The following FGF14 variants were observed in gnomAD, a reference collection of about 807,000 sequenced individuals.
FGF14 encodes fibroblast growth factor homologous factor 4.
FGF14 carries 5 observed loss-of-function variants against 25.5 expected under a neutral mutation model. The ratio of observed to expected loss-of-function variants is 0.20; its 90% CI spans 0.10 to 0.41. The LOEUF is 0.41. Among genes scored for constraint, FGF14 ranks in the 10% least tolerant of loss-of-function variants. FGF14 has a pLI of 1.00. For synonymous variants in FGF14, 138 were observed against 118.3 expected (o/e 1.17, Z -1.08); for missense variants, 222 against 320.1 (o/e 0.69, Z 2.34).
chr13:102,401,666 C>T, exon 1 of FGF14: 1 of 1,613,840 alleles, frequency 6.2e-7, no homozygotes, highest in Non-Finnish European at 8.5e-7. Context: ...AAGAGGGGCA[C>T]CGGTTTTACC....
At chr13:101,910,598 G>A (rs939210152) in intron 1 of FGF14, among the ~76,000 whole-genome samples, 1 of 152,060 alleles carries the variant, frequency 6.6e-6, no homozygotes, top group Non-Finnish European at 1.5e-5. Context: ...GAATGACAAA[G>A]TAGTACCTAT....
At chr13:101,798,142 G>A (rs920503084) in intron 3 of FGF14, among the ~76,000 whole-genome samples, 49 of 152,014 alleles carry the variant, frequency 3.2e-4, no homozygotes, top group African/African-American at 1.1e-3. Context: ...AAAGAAAAAA[G>A]CTGACTTGAA....
Position 101,734,815 on chromosome 13 carries a change from C to T in FGF14, c.409-8005G>A, listed in dbSNP as rs182816681. 7.1e-4 allele frequency among the ~76,000 whole-genome samples: 108 copies of T among 152,180 alleles called. 1 individual carries two copies. The highest frequency in any genetic ancestry group is 1.3e-3 in the Non-Finnish European group (89 of 68,008). On this transcript the variant is annotated intron_variant, in intron 3 of 4. Transcript: ENST00000376143. ...GCACAGAAGGTTGAAGTAACTTGCC[C>T]GAGTACGTTACTTTCATCAAGATAA...
chr13:102,100,444 G>C (rs1246099113), intron 1 of FGF14, among the ~76,000 whole-genome samples: 7 of 152,158 alleles, frequency 4.6e-5, no homozygotes, highest in Non-Finnish European at 7.3e-5. Flanking sequence ...CAGATTCCTG[G>C]CTTTGCAGAA....
Position 101,759,034 on chromosome 13 carries a change from TCTGA to T in FGF14, c.409-32228_409-32225del, listed in dbSNP as rs551745459. 3.4e-4 allele frequency among the ~76,000 whole-genome samples: 52 copies of T among 152,340 alleles called. No individual in the cohort carries two copies. In the South Asian group the frequency reaches 8.1e-3, roughly 24 times the overall value. On this transcript the variant is annotated intron_variant, in intron 3 of 4. Transcript: ENST00000376143. ...ATCTTGGTTTAGAGCATGCCAGAGC[TCTGA>T]CTATGACTGCTTTCTGAGTCAAGTG...
At chr13:101,754,728 C>CA (rs940294153) in intron 3 of FGF14, among the ~76,000 whole-genome samples, 4 of 151,696 alleles carry the variant, frequency 2.6e-5, no homozygotes, top group Non-Finnish European at 5.9e-5. Flanking sequence ...GACTCCATAA[C>CA]AAAAAGAAAA....
At chr13:102,015,696 T>C (rs1406897315) in intron 1 of FGF14, among the ~76,000 whole-genome samples, 2 of 152,008 alleles carry the variant, frequency 1.3e-5, no homozygotes, top group African/African-American at 2.4e-5. Flanking sequence ...GAGGATAGGG[T>C]GGTAGGAACA....
intron 3 of FGF14, among the ~76,000 whole-genome samples, chr13:101,797,115 C>A (rs1217727412): frequency 6.6e-6 from 1 of 152,110 alleles, no homozygotes. Flanking sequence ...ACCCACCTTA[C>A]AACATGAGAC....
intron 1 of FGF14, among the ~76,000 whole-genome samples, chr13:102,326,693 G>GGGAAGGGAAGGAAGGTAGGAA (rs2056445953): frequency 3.4e-5 from 1 of 29,344 alleles, no homozygotes; most frequent in African/African-American, 1.4e-4. Flanking sequence ...GGGAAGGGAA[G>GGGAAGGGAAGGAAGGTAGGAA]GGAAGGAAGG....
At chr13:102,265,016 C>A (rs183476474) in intron 1 of FGF14, among the ~76,000 whole-genome samples, 40 of 152,148 alleles carry the variant, frequency 2.6e-4, no homozygotes, top group African/African-American at 7.9e-4. Context: ...GTCCTTCACC[C>A]CAAAGTAATT....
At chr13:102,027,504 C>T (rs948492287) in intron 1 of FGF14, among the ~76,000 whole-genome samples, 1 of 151,910 alleles carries the variant, frequency 6.6e-6, no homozygotes, top group Admixed American at 6.6e-5. Flanking sequence ...TTTTACACAC[C>T]ATGTTGCAAA....
chr13:101,900,336 G>A (rs147841497), intron 1 of FGF14, among the ~76,000 whole-genome samples: 1 of 151,812 alleles, frequency 6.6e-6, no homozygotes, highest in East Asian at 1.9e-4. Flanking sequence ...AAATTAAGAA[G>A]AAATTTTAAT....
intron 1 of FGF14, among the ~76,000 whole-genome samples, chr13:102,204,696 A>C (rs547837614): frequency 6.6e-5 from 10 of 152,042 alleles, no homozygotes; most frequent in Admixed American, 6.6e-4. Flanking sequence ...ACAGGCATGC[A>C]CCACCACGCC....
At chr13:101,863,822 CAAG>C (rs1021864718) in intron 3 of FGF14, among the ~76,000 whole-genome samples, 34 of 152,172 alleles carry the variant, frequency 2.2e-4, no homozygotes, top group African/African-American at 8.2e-4. Context: ...ATAGATCCTG[CAAG>C]AAGATGAACA....
chr13:102,274,176 C>A (rs1464120801), intron 1 of FGF14, among the ~76,000 whole-genome samples: 4 of 152,082 alleles, frequency 2.6e-5, no homozygotes, highest in Non-Finnish European at 5.9e-5. Context: ...TGGCTAGCTA[C>A]ACATGGGGCT....
intron 1 of FGF14, among the ~76,000 whole-genome samples, chr13:102,381,956 G>T (rs2139178587): frequency 6.6e-6 from 1 of 152,236 alleles, no homozygotes; most frequent in African/African-American, 2.4e-5. Flanking sequence ...GCACAAGAAT[G>T]AAGTTGGACC....
chr13:101,960,033 T>C (rs574830228), intron 1 of FGF14, among the ~76,000 whole-genome samples: 1 of 152,360 alleles, frequency 6.6e-6, no homozygotes, highest in African/African-American at 2.4e-5. Flanking sequence ...CGAACATATT[T>C]ATTGAATAAA....
At chr13:101,937,161 CTA>C in intron 1 of FGF14, among the ~76,000 whole-genome samples, 1 of 152,308 alleles carries the variant, frequency 6.6e-6, no homozygotes, top group East Asian at 1.9e-4. Flanking sequence ...CTCTTTACAT[CTA>C]TGTCTTTTTA....
chr13:102,072,369 CATAAATAA>C (rs886131524), intron 1 of FGF14, among the ~76,000 whole-genome samples: 1 of 151,978 alleles, frequency 6.6e-6, no homozygotes, highest in African/African-American at 2.4e-5. Context: ...GAAAAGGATA[CATAAATAA>C]ATAAATAAAG....
Sources: gnomAD v4.1 joint callset for allele counts (sites outside exome capture counted in the v4.1 genomes callset) on GRCh38, gnomAD v4.1.1 for gene constraint, MANE v1.5 for transcripts, NCBI Gene and HGNC (gene_info 2026-07-23, HGNC 2026-07-21) for gene names.